The following ZNF362 variants were observed in gnomAD, a reference collection of about 807,000 sequenced individuals.
ZNF362 encodes the protein zinc finger protein 362.
ZNF362 carries 11 observed loss-of-function variants against 42.9 expected under a neutral mutation model. That is an observed-to-expected ratio of 0.26 (90% CI 0.16 to 0.42). ZNF362 has a LOEUF of 0.42. ZNF362 is among the 20% of genes least tolerant of loss of function. The pLI is 1.00. For missense variants in ZNF362, 362 were observed against 576.2 expected (o/e 0.63, Z 3.81); for synonymous variants, 255 against 257.3 (o/e 0.99, Z 0.09).
intron 6 of ZNF362, among the ~76,000 whole-genome samples, chr1:33,289,470 G>A (rs1195057775): frequency 2.0e-5 from 3 of 152,116 alleles, no homozygotes; most frequent in Non-Finnish European, 4.4e-5. Context: ...GGAGTCAAGG[G>A]GGAGGCCGGG....
the ZNF362 span, chr1:33,146,486 G>C: frequency 6.3e-6 from 1 of 159,460 alleles, no homozygotes; most frequent in Non-Finnish European, 1.4e-5. Context: ...ATCAGCTTTG[G>C]GTATACCCTC....
At chr1:33,174,231 T>G in the ZNF362 span, among the ~76,000 whole-genome samples, 151,637 of 152,058 alleles carry the variant, frequency 1, 75,608 homozygotes, top group Non-Finnish European at 1. Context: ...AGGCTGGCTG[T>G]AGTGCAGTGG....
At chr1:33,243,898 T>A in the ZNF362 span, among the ~76,000 whole-genome samples, 1 of 152,144 alleles carries the variant, frequency 6.6e-6, no homozygotes, top group Admixed American at 6.5e-5. Flanking sequence ...AGGCGTGAGC[T>A]ACTGTGCCTG....
At chr1:33,196,140 G>T in the ZNF362 span, 1 of 152,182 alleles carries the variant, frequency 6.6e-6, no homozygotes, top group South Asian at 2.1e-4. Context: ...AACACTTTGG[G>T]AGGCCGAGTC....
chr1:33,298,970 T>C lies in ZNF362; in HGVS notation c.1187T>C (p.Val396Ala). 6.2e-7 allele frequency: 1 copy of C among 1,613,760 alleles called. No homozygotes were observed. The highest frequency in any genetic ancestry group is 1.1e-5 in the South Asian group (1 of 91,080). The change falls in exon 9 of 9, where the codon GTG becomes GCG. Residue 396 changes from valine (V) to alanine (A), a missense_variant. Val to Ala is a moderately conservative substitution (Grantham distance 64). Transcript: ENST00000539719. ...AAGCACATGTCCAAACACACGGTGG[T>C]GGAGCACCTGGTGAGCCATCACTCG... Reference protein sequence around the residue: ...LMKHMSKHTVVEHLVSHHSPQ... With the variant: ...LMKHMSKHTVAEHLVSHHSPQ...
chr1:33,274,923 C>CT, intron 2 of ZNF362: 1 of 983,598 alleles, frequency 1.0e-6, no homozygotes, highest in Non-Finnish European at 1.2e-6. Flanking sequence ...TCTAAAATTT[C>CT]TTTCTTAAAA....
chr1:33,280,568 G>A lies in ZNF362; in HGVS notation c.683+111G>A. 1 of 1,447,194 alleles carries A rather than the reference G, an allele frequency of 6.9e-7. No homozygotes were observed. The highest frequency in any genetic ancestry group is 9.1e-7 in the Non-Finnish European group (1 of 1,097,280). 89.6% of individuals were successfully genotyped at this position (1,447,194 alleles called of 1,614,324 possible). On this transcript the variant is annotated intron_variant, in intron 5 of 8. Transcript: ENST00000539719. The surrounding 1 kb of genome is among the most constrained non-coding windows in gnomAD (Gnocchi z 5.6). ...GAAACAGGACCCTTAGGGCTGAGGG[G>A]CAGGGCTAGGGTCCAGAGGGGCGGG... is the stretch of plus-strand genomic sequence containing the variant.
the ZNF362 span, among the ~76,000 whole-genome samples, chr1:33,221,678 G>A: frequency 1.3e-5 from 2 of 152,184 alleles, no homozygotes; most frequent in African/African-American, 4.8e-5. Context: ...GTCAGAGCCA[G>A]GTACTGGCTC....
the ZNF362 span, among the ~76,000 whole-genome samples, chr1:33,193,000 C>T: frequency 1.7e-3 from 38 of 21,732 alleles, no homozygotes; most frequent in East Asian, 0.046. Flanking sequence ...CACACACACA[C>T]ACACATATAT....
the ZNF362 span, among the ~76,000 whole-genome samples, chr1:33,251,401 G>A: frequency 6.6e-6 from 1 of 152,124 alleles, no homozygotes; most frequent in South Asian, 2.1e-4. Context: ...CCAATGCCAA[G>A]GTCCAAACCA....
chr1:33,262,498 G>A (rs1255523597), intron 1 of ZNF362, among the ~76,000 whole-genome samples: 2 of 151,762 alleles, frequency 1.3e-5, no homozygotes, highest in South Asian at 2.1e-4. Context: ...TAGTAGAGAT[G>A]GGGTTTCACC....
intron 8 of ZNF362, among the ~76,000 whole-genome samples, chr1:33,298,410 G>A (rs920536280): frequency 3.9e-5 from 6 of 152,188 alleles, no homozygotes; most frequent in African/African-American, 7.2e-5. Context: ...CTTACTCCAT[G>A]CTAAGGGCTT....
the ZNF362 span, among the ~76,000 whole-genome samples, chr1:33,187,217 G>A: frequency 6.6e-6 from 1 of 152,210 alleles, no homozygotes; most frequent in South Asian, 2.1e-4. Flanking sequence ...GAACTGTGAT[G>A]TGTACAGTCA....
chr1:33,248,976 G>A, the ZNF362 span, among the ~76,000 whole-genome samples: 24 of 152,202 alleles, frequency 1.6e-4, no homozygotes, highest in East Asian at 5.8e-4. Context: ...TTCAATCTCC[G>A]TCATTTTTTA....
At position 33,294,606 on chromosome 1, in the gene ZNF362, A is replaced by G. The variant is rs372504776; in HGVS notation, c.909-331A>G. Among the ~76,000 whole-genome samples the G allele has an allele frequency of 2.6e-5, 4 of 152,158 alleles. No individual in the cohort carries two copies. The highest frequency in any genetic ancestry group is 9.7e-5 in the African/African-American group (4 of 41,426). On this transcript the variant is annotated intron_variant, in intron 6 of 8. Coordinates refer to ENST00000539719, the MANE Select transcript of ZNF362 (RefSeq NM_152493.3). This position sits in a 1 kb window ranked among gnomAD's most constrained non-coding sequence, Gnocchi z 4.2. ...GTGTTCTTTGCAATATGTGGTCCGT[A>G]GTGTGGGGTTTTCAAAGAGAGGGGC...
At chr1:33,153,239 C>T in the ZNF362 span, among the ~76,000 whole-genome samples, 1 of 152,200 alleles carries the variant, frequency 6.6e-6, no homozygotes, top group Non-Finnish European at 1.5e-5. Flanking sequence ...AGGAGCCAGA[C>T]TGACTTCACA....
At chr1:33,181,148 C>A in the ZNF362 span, 2 of 1,599,924 alleles carry the variant, frequency 1.3e-6, no homozygotes, top group South Asian at 1.1e-5. The surrounding 1 kb of genome is among the most constrained non-coding windows in gnomAD (Gnocchi z 6.5). Context: ...CCTTGTCGTG[C>A]GCCTGGCAGG....
chr1:33,158,456 G>A, the ZNF362 span: 1 of 1,006,914 alleles, frequency 9.9e-7, no homozygotes, highest in Non-Finnish European at 1.6e-6. Flanking sequence ...CAGGGCAGCT[G>A]GCATAGGATG....
chr1:33,294,911 C>T lies in ZNF362; in HGVS notation c.909-26C>T, dbSNP rs749451375. On this transcript the variant is annotated intron_variant, in intron 6 of 8. Coordinates refer to ENST00000539719, the MANE Select transcript of ZNF362 (RefSeq NM_152493.3). The surrounding 1 kb of genome is among the most constrained non-coding windows in gnomAD (Gnocchi z 4.2). Reference sequence around the variant, plus strand: ...GTCTTGGGGTGTGTGTCAGGGACTTCGACCTTACTGGGCTGCCCATTACAG... The same window carrying T: ...GTCTTGGGGTGTGTGTCAGGGACTTTGACCTTACTGGGCTGCCCATTACAG... 17 of 1,613,606 alleles carry T rather than the reference C, an allele frequency of 1.1e-5. No homozygotes were observed. The highest frequency in any genetic ancestry group is 4.5e-5 in the East Asian group (2 of 44,862).
Sources: gnomAD v4.1 joint callset for allele counts (sites outside exome capture counted in the v4.1 genomes callset) on GRCh38, gnomAD v4.1.1 for gene constraint, Gnocchi (gnomAD v3.1) non-coding constraint, MANE v1.5 for transcripts, NCBI Gene and HGNC (gene_info 2026-07-23, HGNC 2026-07-21) for gene names.